TC2N: variants seen among roughly 807,000 people sequenced by gnomAD.
The protein encoded by TC2N is tandem C2 domains nuclear protein.
TC2N carries 51 observed loss-of-function variants against 61.9 expected under a neutral mutation model. That is an observed-to-expected ratio of 0.82 (90% CI 0.66 to 1.04). The LOEUF is 1.04. TC2N is among the 50% of genes least tolerant of loss of function. The probability of loss-of-function intolerance (pLI) is 0.00; values close to 1 mark genes in which losing one functional copy is unlikely to be tolerated. For synonymous variants in TC2N, 204 were observed against 192.6 expected (o/e 1.06, Z -0.49); for missense variants, 556 against 566.7 (o/e 0.98, Z 0.19).
chr14:91,835,856 G>C (rs919988059), intron 1 of TC2N, among the ~76,000 whole-genome samples: 3 of 152,196 alleles, frequency 2.0e-5, no homozygotes, highest in African/African-American at 7.2e-5. Flanking sequence ...AAACCACCTG[G>C]ACGCGCCGTC....
At chr14:91,835,897 C>A (rs1887977290) in intron 1 of TC2N, among the ~76,000 whole-genome samples, 1 of 152,162 alleles carries the variant, frequency 6.6e-6, no homozygotes, top group South Asian at 2.1e-4. Flanking sequence ...GGGAGCCGGG[C>A]GCCCGGCGCG....
chr14:91,855,959 A>G (rs1464022955), intron 1 of TC2N, among the ~76,000 whole-genome samples: 1 of 152,202 alleles, frequency 6.6e-6, no homozygotes, highest in Non-Finnish European at 1.5e-5. Context: ...GTTCAAAGTA[A>G]TATCATCTAG....
chr14:91,808,924 G>A (rs1200236967), intron 3 of TC2N, among the ~76,000 whole-genome samples: 3 of 151,986 alleles, frequency 2.0e-5, no homozygotes, highest in African/African-American at 7.3e-5. Context: ...CATATTATGT[G>A]GATGAAACAA....
intron 1 of TC2N, among the ~76,000 whole-genome samples, chr14:91,846,086 C>G (rs1396305588): frequency 6.6e-6 from 1 of 152,178 alleles, no homozygotes; most frequent in Non-Finnish European, 1.5e-5. Context: ...TGCTGCACCT[C>G]TGGGCAGGGA....
At chr14:91,847,214 C>T (rs567896905) in intron 1 of TC2N, among the ~76,000 whole-genome samples, 8 of 150,928 alleles carry the variant, frequency 5.3e-5, no homozygotes, top group East Asian at 1.9e-4. Flanking sequence ...GCCGAGATCA[C>T]GCCACTGCAC....
Position 91,822,654 on chromosome 14 carries a change from G to A in TC2N, c.-56-8829C>T, listed in dbSNP as rs963053676. On this transcript the variant is annotated intron_variant, in intron 1 of 11. Transcript: ENST00000435962. ...GGGAGATGAAGCACAGAGAGGGACA[G>A]AAAGGAAGGACTTGGTGGGGCAGGA... Among the ~76,000 whole-genome samples the A allele has an allele frequency of 1.6e-4, 24 of 151,132 alleles. 1 individual carries two copies. Among genetic ancestry groups the A allele is most frequent in the Admixed American group, 6.6e-5 (1 of 15,168 alleles).
At chr14:91,807,084 A>G (rs1457665594) in intron 3 of TC2N, among the ~76,000 whole-genome samples, 1 of 152,220 alleles carries the variant, frequency 6.6e-6, no homozygotes, top group East Asian at 1.9e-4. Flanking sequence ...TTGAGCCTGC[A>G]GGTGCATAGA....
intron 1 of TC2N, among the ~76,000 whole-genome samples, chr14:91,818,767 G>T (rs1415661046): frequency 6.6e-6 from 1 of 152,120 alleles, no homozygotes; most frequent in Non-Finnish European, 1.5e-5. Flanking sequence ...ATTAATACCA[G>T]ATTGGATATT....
intron 4 of TC2N, 120 bp downstream of exon 4, chr14:91,802,134 T>G (rs1886280257): frequency 1.2e-6 from 1 of 840,998 alleles, no homozygotes. Context: ...TTATGAAGCT[T>G]GTTTTCTTAT....
rs1270542591 is a variant in TC2N at position 91,798,343 on chromosome 14, A to C, written c.694T>G (p.Phe232Val). Residue 232 changes from phenylalanine to valine, a missense_variant, in exon 7 of 12, where the codon TTT (phenylalanine) becomes GTT (valine). Phe to Val is a conservative substitution (Grantham distance 50). Transcript: ENST00000435962. Reference protein sequence around the residue: ...RDFGRLNVKLFYNSSVEQIWI... With the variant: ...RDFGRLNVKLVYNSSVEQIWI... Reference sequence around the variant, plus strand: ...ATCTGTTCTACTGAAGAATTATAAAACAATTTCACATTCAGTCTCCCAAAG... The same window carrying C: ...ATCTGTTCTACTGAAGAATTATAAACCAATTTCACATTCAGTCTCCCAAAG... 6.3e-7 allele frequency: 1 copy of C among 1,596,436 alleles called. No individual in the cohort carries two copies. Among genetic ancestry groups the C allele is most frequent in the Non-Finnish European group, 8.5e-7 (1 of 1,169,904 alleles).
intron 1 of TC2N, among the ~76,000 whole-genome samples, chr14:91,822,285 C>T (rs1887289578): frequency 6.6e-6 from 1 of 152,180 alleles, no homozygotes; most frequent in South Asian, 2.1e-4. Context: ...AGAAAACAAA[C>T]TGTGGCTCAA....
chr14:91,831,526 T>C (rs1295455259), intron 1 of TC2N, among the ~76,000 whole-genome samples: 1 of 152,212 alleles, frequency 6.6e-6, no homozygotes, highest in Non-Finnish European at 1.5e-5. Flanking sequence ...GTAAGATACA[T>C]AAACAGATCT....
chr14:91,819,558 A>G (rs1409752632), intron 1 of TC2N, among the ~76,000 whole-genome samples: 1 of 152,222 alleles, frequency 6.6e-6, no homozygotes, highest in Non-Finnish European at 1.5e-5. Flanking sequence ...GAAGTGTTAA[A>G]TGATGTCCTT....
At chr14:91,796,271 T>C (rs1487264184) in intron 8 of TC2N, among the ~76,000 whole-genome samples, 2 of 151,958 alleles carry the variant, frequency 1.3e-5, no homozygotes, top group Non-Finnish European at 1.5e-5. Flanking sequence ...TACACATACA[T>C]ACATATATAC....
intron 8 of TC2N, 27 bp downstream of exon 8, chr14:91,797,755 AAAG>A (rs1171545371): frequency 1.0e-5 from 14 of 1,366,604 alleles, no homozygotes; most frequent in Non-Finnish European, 1.4e-5. Flanking sequence ...AAAAAACAGA[AAAG>A]AAATTCAAAT....
intron 1 of TC2N, among the ~76,000 whole-genome samples, chr14:91,825,471 G>A (rs1887455933): frequency 6.6e-6 from 1 of 152,072 alleles, no homozygotes; most frequent in Admixed American, 6.6e-5. Context: ...TGCTGCTAAG[G>A]TCCTTCGTCT....
At chr14:91,791,176 AGG>A (rs1885629061) in intron 9 of TC2N, among the ~76,000 whole-genome samples, 1 of 66,810 alleles carries the variant, frequency 1.5e-5, no homozygotes, top group Non-Finnish European at 2.7e-5. Flanking sequence ...GGGAAGGGAA[AGG>A]AGGGGAGGGG....
At position 91,792,460 on chromosome 14, in the gene TC2N, C is replaced by T. The variant is rs748255773; in HGVS notation, c.954G>A (p.Lys318=). 1 of 1,611,336 alleles carries T rather than the reference C, an allele frequency of 6.2e-7. No individual in the cohort carries two copies. Among genetic ancestry groups the T allele is most frequent in the Non-Finnish European group, 8.5e-7 (1 of 1,178,274 alleles). ...VFKIQTQTPR[K]KTIGECSMSL... ...ACATTGAGCATTCTCCAATGGTTTT[C>T]TTCCTGGGAGTCTGGGTTTGAATCT... Residue 318 remains lysine (K), a synonymous_variant, in exon 9 of 12, where the codon AAG becomes AAA. Transcript: ENST00000435962.
At chr14:91,832,920 A>G (rs924072690) in intron 1 of TC2N, among the ~76,000 whole-genome samples, 7 of 152,350 alleles carry the variant, frequency 4.6e-5, no homozygotes, top group African/African-American at 1.7e-4. Flanking sequence ...ACAAACTACA[A>G]CACATCAGCA....
Sources: allele counts gnomAD v4.1 joint callset (sites outside exome capture counted in the v4.1 genomes callset), GRCh38; gene constraint gnomAD v4.1.1; transcripts MANE v1.5; gene names NCBI Gene and HGNC (gene_info 2026-07-23, HGNC 2026-07-21).